KIAA1217: variants seen among roughly 807,000 people sequenced by gnomAD.
The protein encoded by KIAA1217 is sickle tail protein homolog.
Under a neutral mutation model 163.9 loss-of-function variants are expected in KIAA1217, and 88 were observed. That is an observed-to-expected ratio of 0.54 (90% CI 0.45 to 0.64). The LOEUF (loss-of-function observed/expected upper bound fraction) is 0.64, where lower values mean the gene tolerates loss of function less well. Among genes scored for constraint, KIAA1217 ranks in the 30% least tolerant of loss-of-function variants. KIAA1217 has a pLI of 0.00. For missense variants in KIAA1217, 2,372 were observed against 2,475.0 expected (o/e 0.96, Z 0.88); for synonymous variants, 903 against 923.1 (o/e 0.98, Z 0.39).
At chr10:24,332,636 C>T (rs1035462606) in intron 2 of KIAA1217, among the ~76,000 whole-genome samples, 2 of 151,954 alleles carry the variant, frequency 1.3e-5, no homozygotes. Flanking sequence ...GTTGCTAATG[C>T]GTATCCATAA....
At chr10:24,194,537 G>T (rs1028005904) in intron 2 of KIAA1217, among the ~76,000 whole-genome samples, 1 of 151,142 alleles carries the variant, frequency 6.6e-6, no homozygotes, top group Non-Finnish European at 1.5e-5. Flanking sequence ...TGTGTCTACA[G>T]CTCACTTTGT....
intron 5 of KIAA1217, among the ~76,000 whole-genome samples, chr10:24,441,047 A>G (rs891330057): frequency 1.1e-4 from 17 of 152,230 alleles, no homozygotes; most frequent in African/African-American, 4.1e-4. Context: ...TGCACAACCC[A>G]CTGCCCATGG....
intron 2 of KIAA1217, among the ~76,000 whole-genome samples, chr10:24,124,063 T>A (rs1235043230): frequency 6.6e-6 from 1 of 152,216 alleles, no homozygotes; most frequent in African/African-American, 2.4e-5. Flanking sequence ...TATAATTAAA[T>A]GTCAACATTT....
intron 1 of KIAA1217, among the ~76,000 whole-genome samples, chr10:23,758,651 T>TCTCTCTCCCCC (rs1206083776): frequency 1.8e-5 from 2 of 112,098 alleles, no homozygotes; most frequent in African/African-American, 7.0e-5. Flanking sequence ...TCTCTCCCCC[T>TCTCTCTCCCCC]CCCTCCCTCC....
In KIAA1217 at chr10:24,346,998, G is replaced by C. The variant is rs541892831; in HGVS notation, c.355-33871G>C. Among the ~76,000 whole-genome samples, 308 of 152,260 alleles carry C rather than the reference G, an allele frequency of 2.0e-3. 1 individual carries two copies. The highest frequency in any genetic ancestry group is 2.6e-3 in the Non-Finnish European group (177 of 68,024). ...TAAATTGTTACTATTGTTAATAACC[G>C]AGTGTTGGCTTAGTGAGTGTTAAGG... On this transcript the variant is annotated intron_variant, in intron 2 of 20. Transcript: ENST00000376454.
At chr10:23,753,032 G>T (rs1460542554) in intron 1 of KIAA1217, among the ~76,000 whole-genome samples, 1 of 152,148 alleles carries the variant, frequency 6.6e-6, no homozygotes, top group African/African-American at 2.4e-5. Context: ...TGGGTTTTTT[G>T]AAATCAGTGA....
chr10:23,822,623 G>T (rs748140230), intron 1 of KIAA1217, among the ~76,000 whole-genome samples: 9 of 152,148 alleles, frequency 5.9e-5, no homozygotes, highest in Non-Finnish European at 1.2e-4. Flanking sequence ...CAAACCTCTC[G>T]TTCCATTTGT....
At chr10:24,155,194 C>T (rs1000138232) in intron 2 of KIAA1217, among the ~76,000 whole-genome samples, 3 of 152,132 alleles carry the variant, frequency 2.0e-5, no homozygotes, top group Non-Finnish European at 4.4e-5. Flanking sequence ...TCCCAAACAA[C>T]TCCTGTTAAC....
chr10:24,007,762 T>C (rs1564606331), intron 2 of KIAA1217, among the ~76,000 whole-genome samples: 1 of 152,164 alleles, frequency 6.6e-6, no homozygotes. Flanking sequence ...ACGGTGTAGA[T>C]ACCTGATGAC....
intron 2 of KIAA1217, among the ~76,000 whole-genome samples, chr10:24,149,483 C>T (rs542304240): frequency 1.3e-5 from 2 of 151,290 alleles, no homozygotes; most frequent in East Asian, 3.9e-4. Context: ...CATGCCTGGC[C>T]CTATTTTTTT....
At chr10:24,011,793 T>C (rs1469331034) in intron 2 of KIAA1217, among the ~76,000 whole-genome samples, 1 of 152,184 alleles carries the variant, frequency 6.6e-6, no homozygotes, top group Non-Finnish European at 1.5e-5. Flanking sequence ...GGGTTGACAG[T>C]CAGCATGTTT....
Position 23,707,738 on chromosome 10 carries a change from AT to A in KIAA1217, c.-321+12511del, listed in dbSNP as rs544548223. Among the ~76,000 whole-genome samples, 233 of 152,236 alleles carry A rather than the reference AT, an allele frequency of 1.5e-3. 3 individuals are homozygous for A. Among genetic ancestry groups the A allele is most frequent in the East Asian group, 4.6e-3 (24 of 5,182 alleles). On this transcript the variant is annotated intron_variant, in intron 1 of 18. Transcript: ENST00000376462. ...TACCTCCTAAATCTCTAAAATAAAAATTTTTTTAAAGGCAAAAATTAAAATG... is the reference window on the plus strand; with the variant it reads ...TACCTCCTAAATCTCTAAAATAAAAATTTTTTAAAGGCAAAAATTAAAATG...
At chr10:24,396,191 G>A (rs1159728736) in intron 3 of KIAA1217, among the ~76,000 whole-genome samples, 1 of 152,018 alleles carries the variant, frequency 6.6e-6, no homozygotes, top group African/African-American at 2.4e-5. Context: ...ACAAAAATTA[G>A]ACAGGTGTGG....
intron 3 of KIAA1217, among the ~76,000 whole-genome samples, chr10:24,383,210 T>G (rs1413202916): frequency 6.6e-6 from 1 of 152,162 alleles, no homozygotes; most frequent in Non-Finnish European, 1.5e-5. Context: ...GGATTTCTCC[T>G]TTGTGCTTGG....
At position 24,084,303 on chromosome 10, in the gene KIAA1217, C is replaced by G. The variant is rs1226824879; in HGVS notation, c.-171+76929C>G. ...TGTTTCACCTATTAGAATGTAAGCC[C>G]CACGTGGGCAAGGATTTTTGTGTTT... On this transcript the variant is annotated intron_variant, in intron 2 of 18. Coordinates refer to the KIAA1217 transcript ENST00000376462. Among the ~76,000 whole-genome samples the G allele has an allele frequency of 1.3e-5, 2 of 152,158 alleles. 1 individual carries two copies. The highest frequency in any genetic ancestry group is 4.8e-5 in the African/African-American group (2 of 41,432).
intron 6 of KIAA1217, among the ~76,000 whole-genome samples, chr10:24,484,241 A>ATATATATATATTTTTTTTTTTTTTTTT (rs1376083298): frequency 6.7e-5 from 5 of 75,156 alleles, no homozygotes; most frequent in East Asian, 4.6e-4. Context: ...ATATATATAT[A>ATATATATATATTTTTTTTTTTTTTTTT]TTTTTTTTTT....
intron 2 of KIAA1217, among the ~76,000 whole-genome samples, chr10:24,321,431 C>T (rs1347656767): frequency 6.6e-6 from 1 of 151,826 alleles, no homozygotes; most frequent in African/African-American, 2.4e-5. Flanking sequence ...CCCAGCTACT[C>T]AGGAGGCGGG....
At chr10:24,272,627 T>C (rs2076882279) in intron 2 of KIAA1217, among the ~76,000 whole-genome samples, 1 of 152,204 alleles carries the variant, frequency 6.6e-6, no homozygotes, top group Non-Finnish European at 1.5e-5. Context: ...TCCAGCCAAA[T>C]TGAGATAGCT....
At chr10:24,063,242 A>G (rs1282136384) in intron 2 of KIAA1217, among the ~76,000 whole-genome samples, 4 of 152,102 alleles carry the variant, frequency 2.6e-5, no homozygotes, top group African/African-American at 9.7e-5. Context: ...GGTATTGCCT[A>G]GGTTTTCTTC....
Sources: gnomAD v4.1 joint callset for allele counts (sites outside exome capture counted in the v4.1 genomes callset) on GRCh38, gnomAD v4.1.1 for gene constraint, MANE v1.5 for transcripts, NCBI Gene and HGNC (gene_info 2026-07-23, HGNC 2026-07-21) for gene names.